Variants in NMBR observed in about 807,000 individuals in gnomAD.
The protein encoded by NMBR is neuromedin-B receptor.
NMBR carries 16 observed loss-of-function variants against 20.5 expected under a neutral mutation model. That is an observed-to-expected ratio of 0.78 (90% confidence interval 0.53 to 1.19). The LOEUF (loss-of-function observed/expected upper bound fraction) is 1.19, where lower values mean the gene tolerates loss of function less well. Among genes scored for constraint, NMBR ranks in the 50% most tolerant of loss-of-function variants. The pLI, the probability that NMBR is intolerant of heterozygous loss-of-function variation, is 0.00. For missense variants in NMBR, 582 were observed against 499.1 expected (o/e 1.17, Z -1.58); for synonymous variants, 212 against 196.6 (o/e 1.08, Z -0.65).
intron 1 of NMBR, among the ~76,000 whole-genome samples, chr6:142,108,248 G>A (rs948785072): frequency 5.9e-5 from 9 of 151,848 alleles, no homozygotes; most frequent in Non-Finnish European, 8.8e-5. Flanking sequence ...ATTCCAAATA[G>A]GACAAACACA....
At chr6:142,096,394 C>T (rs1777452894) in intron 1 of NMBR, among the ~76,000 whole-genome samples, 2 of 152,128 alleles carry the variant, frequency 1.3e-5, no homozygotes, top group South Asian at 4.1e-4. Flanking sequence ...TTATTTCTGC[C>T]TTCATTTCGT....
intron 2 of NMBR, among the ~76,000 whole-genome samples, chr6:142,079,294 T>C (rs1312955081): frequency 2.0e-5 from 3 of 152,144 alleles, no homozygotes; most frequent in African/African-American, 7.2e-5. Context: ...TCAAATTTAT[T>C]TATTCCCTGG....
chr6:142,088,008 TG>T (rs199989738), intron 2 of NMBR, among the ~76,000 whole-genome samples: 2 of 151,868 alleles, frequency 1.3e-5, no homozygotes, highest in Admixed American at 6.6e-5. Context: ...CAATTTTAAT[TG>T]TTTTTTTTAA....
At position 142,088,707 on chromosome 6, in the gene NMBR, C is replaced by T. The variant is rs1285364150; in HGVS notation, c.-49G>A. 1 of 1,522,314 alleles carries T rather than the reference C, an allele frequency of 6.6e-7. No homozygotes were observed. Among genetic ancestry groups the T allele is most frequent in the South Asian group, 1.2e-5 (1 of 84,158 alleles). 94.3% of individuals were successfully genotyped at this position (1,522,314 alleles called of 1,614,324 possible). ...CTGGAGTTTTCACGCGCTCCGGTGC[C>T]CTGAGGACTGAACGCCCACGATTTA... On this transcript the variant is annotated 5_prime_UTR_variant, in exon 2 of 4. Coordinates refer to ENST00000258042, the MANE Select transcript of NMBR (RefSeq NM_002511.4).
chr6:142,105,332 G>C (rs1263426988), intron 1 of NMBR, among the ~76,000 whole-genome samples: 1 of 152,138 alleles, frequency 6.6e-6, no homozygotes, highest in Non-Finnish European at 1.5e-5. Context: ...CTTGGGCTCA[G>C]AGGCCTGACA....
intron 1 of NMBR, among the ~76,000 whole-genome samples, chr6:142,125,512 C>CACATATACATGTGCATGAAT (rs1211570455): frequency 1.3e-5 from 1 of 76,876 alleles, no homozygotes. Flanking sequence ...CATATACATA[C>CACATATACATGTGCATGAAT]ATACACAATT....
chr6:142,109,746 G>T (rs1777726088), intron 1 of NMBR, among the ~76,000 whole-genome samples: 1 of 152,000 alleles, frequency 6.6e-6, no homozygotes, highest in South Asian at 2.1e-4. Flanking sequence ...TAATTCCTAG[G>T]GGTATTGTAT....
intron 2 of NMBR, among the ~76,000 whole-genome samples, chr6:142,084,818 C>A (rs990041519): frequency 6.6e-6 from 1 of 152,120 alleles, no homozygotes; most frequent in East Asian, 1.9e-4. Context: ...CAACCAGGAG[C>A]AAAATATGGC....
intron 1 of NMBR, chr6:142,134,486 ATAT>A (rs879585733): frequency 7.1e-5 from 34 of 477,626 alleles, no homozygotes; most frequent in Non-Finnish European, 1.1e-4. Flanking sequence ...TTTTAGTTAC[ATAT>A]TGATTAATTG....
intron 2 of NMBR, among the ~76,000 whole-genome samples, chr6:142,082,256 A>C (rs1313408521): frequency 6.6e-6 from 1 of 152,186 alleles, no homozygotes; most frequent in Admixed American, 6.5e-5. Flanking sequence ...GGTCTTGCTC[A>C]CTGTTATATC....
rs1582840835 is a variant in NMBR, at chr6:142,088,919, C to G, written c.-261G>C. 2.6e-6 allele frequency: 1 copy of G among 382,390 alleles called. No individual in the cohort carries two copies. Among genetic ancestry groups the G allele is most frequent in the South Asian group, 4.5e-5 (1 of 22,220 alleles). The allele number at this position is 382,390 out of a possible 1,614,324, so 23.7% of individuals were successfully genotyped here. Reference sequence around the variant, plus strand: ...ATTTAAATTAAAAAAAAAAAAAAAGCAAAGCGGTTGCGTCTTTGTTCCGTA... The same window carrying G: ...ATTTAAATTAAAAAAAAAAAAAAAGGAAAGCGGTTGCGTCTTTGTTCCGTA... On this transcript the variant is annotated 5_prime_UTR_variant, in exon 2 of 4. Coordinates refer to ENST00000258042, the MANE Select transcript of NMBR (RefSeq NM_002511.4).
chr6:142,122,244 T>C (rs1464007953), intron 1 of NMBR, among the ~76,000 whole-genome samples: 2 of 151,714 alleles, frequency 1.3e-5, no homozygotes, highest in African/African-American at 2.4e-5. Flanking sequence ...CAAAACCTAA[T>C]CCAGAAAAAT....
intron 3 of NMBR, among the ~76,000 whole-genome samples, chr6:142,077,046 T>A (rs962867903): frequency 1.3e-5 from 2 of 152,158 alleles, no homozygotes; most frequent in East Asian, 3.8e-4. Flanking sequence ...TCCACATGGA[T>A]CCCAGTGGCA....
intron 1 of NMBR, among the ~76,000 whole-genome samples, chr6:142,136,105 C>T (rs1455007480): frequency 6.6e-6 from 1 of 152,186 alleles, no homozygotes; most frequent in Non-Finnish European, 1.5e-5. Flanking sequence ...AGTTTACAGT[C>T]CCACCAACAG....
At position 142,075,969 on chromosome 6, in the gene NMBR, G is replaced by C; in HGVS notation, c.852C>G (p.Ile284Met). 3 of 1,613,504 alleles carry C rather than the reference G, an allele frequency of 1.9e-6. No individual in the cohort carries two copies. The highest frequency in any genetic ancestry group is 2.5e-6 in the Non-Finnish European group (3 of 1,179,722). The change falls in exon 4 of 4, where the codon ATC becomes ATG. Residue 284 changes from isoleucine (I) to methionine (M), a missense_variant. Ile to Met is a conservative substitution (Grantham distance 10). Transcript: ENST00000258042. ...CFIFCWFPNHILYMYRSFNYN... is the reference protein window; with the variant it reads ...CFIFCWFPNHMLYMYRSFNYN... ...AGTTGAAAGACCGATACATGTAAAG[G>C]ATGTGGTTTGGAAACCAACAGAAGA...
chr6:142,090,008 T>C (rs1243010895), intron 1 of NMBR, among the ~76,000 whole-genome samples: 1 of 152,192 alleles, frequency 6.6e-6, no homozygotes, highest in Non-Finnish European at 1.5e-5. Context: ...TATTTGTTAA[T>C]TCTATCTATT....
chr6:142,088,316 C>G lies in NMBR; in HGVS notation c.343G>C (p.Gly115Arg). 6.2e-7 allele frequency: 1 copy of G among 1,614,108 alleles called. No homozygotes were observed. Among genetic ancestry groups the G allele is most frequent in the Non-Finnish European group, 8.5e-7 (1 of 1,180,040 alleles). Residue 115 changes from glycine (G) to arginine (R), a missense_variant, in exon 2 of 4, where the codon GGC becomes CGC. Gly to Arg is a moderately radical substitution (Grantham distance 125). Coordinates refer to ENST00000258042, the MANE Select transcript of NMBR (RefSeq NM_002511.4). ...FFDEWMFGKV[G>R]CKLIPVIQLT... ...TGGATGACAGGGATCAGTTTGCAGC[C>G]CACCTTGCCAAACATCCACTCGTCG... is the stretch of plus-strand genomic sequence containing the variant.
chr6:142,135,990 TA>T (rs1221963087), intron 1 of NMBR, among the ~76,000 whole-genome samples: 1 of 152,200 alleles, frequency 6.6e-6, no homozygotes, highest in Non-Finnish European at 1.5e-5. Context: ...GCATGATTTA[TA>T]GTCCTTTGGG....
intron 3 of NMBR, 74 bp downstream of exon 3, chr6:142,078,481 C>A: frequency 1.2e-6 from 1 of 830,786 alleles, no homozygotes; most frequent in Non-Finnish European, 1.9e-6. Flanking sequence ...GGATTAAAAG[C>A]CCACAAAATA....
Sources: allele counts gnomAD v4.1 joint callset (sites outside exome capture counted in the v4.1 genomes callset), GRCh38; gene constraint gnomAD v4.1.1; transcripts MANE v1.5; gene names NCBI Gene and HGNC (gene_info 2026-07-23, HGNC 2026-07-21).